DMD: variants seen among roughly 807,000 people sequenced by gnomAD.
DMD encodes the protein dystrophin.
Under a neutral mutation model 330.1 loss-of-function variants are expected in DMD, and 63 were observed. The observed-to-expected ratio is 0.19, with a 90% CI of 0.16 to 0.24. The LOEUF (loss-of-function observed/expected upper bound fraction) is 0.24, where lower values mean the gene tolerates loss of function less well. DMD is among the 10% of genes least tolerant of loss of function. The pLI, the probability that DMD is intolerant of heterozygous loss-of-function variation, is 1.00. For missense variants in DMD, 3,344 were observed against 2,684.1 expected (o/e 1.25, Z -5.43); for synonymous variants, 1,223 against 959.8 (o/e 1.27, Z -5.07).
intron 2 of DMD, among the ~76,000 whole-genome samples, chrX:32,978,032 A>C (rs1165582745): frequency 8.9e-6 from 1 of 112,255 alleles, no homozygotes; most frequent in African/African-American, 3.2e-5. Flanking sequence ...CATTGACAAA[A>C]CTATTACCAG....
In DMD at chrX:32,074,552, C is replaced by G. The variant is rs150432004; in HGVS notation, c.6439-106038G>C. On this transcript the variant is annotated intron_variant, in intron 44 of 78. Coordinates refer to ENST00000357033, the MANE Select transcript of DMD (RefSeq NM_004006.3). ...TCAAAAGAATAATACAACTTTGCAA[C>G]ACATAAAAATTATACGATATCCAAA... 1.3e-4 allele frequency among the ~76,000 whole-genome samples: 14 copies of G among 111,541 alleles called. No individual in the cohort carries two copies. In the South Asian group the frequency reaches 1.5e-3, roughly 12 times the overall value.
At chrX:33,053,431 T>TA (rs1341970503) in intron 1 of DMD, among the ~76,000 whole-genome samples, 2 of 109,410 alleles carry the variant, frequency 1.8e-5, no homozygotes, top group South Asian at 4.0e-4. Context: ...CCGTCTCTAC[T>TA]AAAAAAATAC....
chrX:33,311,424 T>C (rs1382831786), intron 1 of DMD, among the ~76,000 whole-genome samples: 5 of 110,690 alleles, frequency 4.5e-5, no homozygotes, highest in Admixed American at 2.9e-4. Context: ...AGTAGGGTCA[T>C]GTAAAATGAG....
intron 60 of DMD, among the ~76,000 whole-genome samples, chrX:31,364,419 G>C (rs1014948662): frequency 9.0e-6 from 1 of 111,678 alleles, no homozygotes; most frequent in African/African-American, 3.3e-5. Flanking sequence ...GAGGATGGCA[G>C]GTGGGCCTGC....
At chrX:33,192,855 C>T (rs1192416634) in intron 1 of DMD, among the ~76,000 whole-genome samples, 1 of 111,990 alleles carries the variant, frequency 8.9e-6, no homozygotes, top group Non-Finnish European at 1.9e-5. Context: ...ATACTCTTAC[C>T]TTGCGACTTA....
chrX:32,418,972 C>CAGA (rs1385981990), intron 29 of DMD, among the ~76,000 whole-genome samples: 156 of 13,502 alleles, frequency 0.012, 1 homozygote, highest in Non-Finnish European at 0.02. Context: ...GACTCTGTCT[C>CAGA]AAAAAAAAAA....
At chrX:32,043,848 T>C (rs2096033106) in intron 44 of DMD, among the ~76,000 whole-genome samples, 2 of 112,254 alleles carry the variant, frequency 1.8e-5, no homozygotes, top group Admixed American at 9.4e-5. Context: ...TTTGGAAAGA[T>C]AATTTTTTTC....
chrX:32,267,715 G>A (rs2097350022), intron 43 of DMD, among the ~76,000 whole-genome samples: 1 of 112,121 alleles, frequency 8.9e-6, no homozygotes. Flanking sequence ...AATACTTTGA[G>A]AAATACCCCC....
intron 41 of DMD, among the ~76,000 whole-genome samples, chrX:32,315,218 T>G (rs1218458663): frequency 6.3e-5 from 7 of 111,742 alleles, no homozygotes; most frequent in African/African-American, 2.0e-4. Context: ...TAAAAAAGAA[T>G]GAGTTCGTGT....
intron 1 of DMD, among the ~76,000 whole-genome samples, chrX:33,130,321 C>A (rs931888279): frequency 8.1e-5 from 9 of 111,622 alleles, no homozygotes; most frequent in Non-Finnish European, 1.3e-4. Flanking sequence ...GACACTGTAG[C>A]TAAGGATTGC....
intron 52 of DMD, among the ~76,000 whole-genome samples, chrX:31,690,223 G>C (rs1156510917): frequency 8.9e-6 from 1 of 111,884 alleles, no homozygotes; most frequent in African/African-American, 3.3e-5. Context: ...CTACTCATCT[G>C]ACAAAGGGCT....
intron 50 of DMD, among the ~76,000 whole-genome samples, chrX:31,792,642 G>A (rs1270498811): frequency 1.8e-5 from 2 of 111,922 alleles, no homozygotes; most frequent in Non-Finnish European, 3.8e-5. Flanking sequence ...CTCGCAACAG[G>A]GGTGCCTTAT....
At chrX:32,830,650 T>G (rs1483671554) in intron 4 of DMD, among the ~76,000 whole-genome samples, 1 of 111,960 alleles carries the variant, frequency 8.9e-6, no homozygotes, top group Non-Finnish European at 1.9e-5. Flanking sequence ...CTTGAGTTTT[T>G]GCAGAAATAA....
Position 33,179,648 on chromosome X carries a change from C to T in DMD, c.31+31634G>A, listed in dbSNP as rs1188131119. Among the ~76,000 whole-genome samples, 486 of 105,298 alleles carry T rather than the reference C, an allele frequency of 4.6e-3. 3 individuals carry two copies. The highest frequency in any genetic ancestry group is 6.4e-3 in the Non-Finnish European group (327 of 51,452). The allele number at this position is 105,298 out of a possible 115,157, so 91.4% of individuals were successfully genotyped here. A position where few individuals can be genotyped will look rare whatever the true frequency, so the allele number is the denominator to read the frequency against. ...GGCGGAGCTTGCAGTGAGCCGAGATCGCGCCACTGCACTCTAGCCTGGGTG... is the reference window on the plus strand; with the variant it reads ...GGCGGAGCTTGCAGTGAGCCGAGATTGCGCCACTGCACTCTAGCCTGGGTG... On this transcript the variant is annotated intron_variant, in intron 1 of 78. Coordinates refer to ENST00000357033, the MANE Select transcript of DMD (RefSeq NM_004006.3).
chrX:31,373,942 C>G (rs771680501), intron 60 of DMD, among the ~76,000 whole-genome samples: 1 of 109,141 alleles, frequency 9.2e-6, no homozygotes, highest in African/African-American at 3.4e-5. Context: ...GGCTAATATC[C>G]AGAATCTACA....
intron 16 of DMD, among the ~76,000 whole-genome samples, chrX:32,548,695 T>C (rs1011598352): frequency 1.8e-5 from 2 of 111,939 alleles, no homozygotes; most frequent in African/African-American, 6.5e-5. Flanking sequence ...AAAGTTCTTC[T>C]ATAAGATATT....
At chrX:32,746,828 A>G (rs2070083801) in intron 7 of DMD, among the ~76,000 whole-genome samples, 2 of 111,267 alleles carry the variant, frequency 1.8e-5, no homozygotes, top group African/African-American at 3.3e-5. Flanking sequence ...ATCATTTTGT[A>G]TCTGTTAACT....
At chrX:32,057,662 A>C (rs2096188404) in intron 44 of DMD, among the ~76,000 whole-genome samples, 1 of 111,675 alleles carries the variant, frequency 9.0e-6, no homozygotes, top group Admixed American at 9.5e-5. Context: ...AAAAGTCTAT[A>C]TATCCAAACC....
rs1024844138 is a variant in DMD at position 32,033,455 on chromosome X, A to G, written c.6439-64941T>C. Among the ~76,000 whole-genome samples the G allele has an allele frequency of 3.6e-5, 4 of 109,894 alleles. No individual in the cohort carries two copies. In the Admixed American group the frequency reaches 3.9e-4, roughly 11 times the overall value. On this transcript the variant is annotated intron_variant, in intron 44 of 78. Transcript: ENST00000357033. ...TATCCTAAATAACAGGCTTAGGGTT[A>G]GCTCTAACCAAGCTGCCTCATTCCA...
Sources: gnomAD v4.1 joint callset for allele counts (sites outside exome capture counted in the v4.1 genomes callset) on GRCh38, gnomAD v4.1.1 for gene constraint, MANE v1.5 for transcripts, NCBI Gene and HGNC (gene_info 2026-07-23, HGNC 2026-07-21) for gene names.